Variants in ZNF638 observed in about 807,000 individuals in gnomAD.
The protein encoded by ZNF638 is zinc finger protein 638.
A neutral mutation model predicts 195.6 loss-of-function variants in ZNF638; 46 were observed. That is an observed-to-expected ratio of 0.24 (90% CI 0.19 to 0.30). The LOEUF is 0.30. Among genes scored for constraint, ZNF638 ranks in the 10% least tolerant of loss-of-function variants. The pLI is 1.00. For synonymous variants in ZNF638, 845 were observed against 772.0 expected (o/e 1.09, Z -1.57); for missense variants, 2,440 against 2,325.3 (o/e 1.05, Z -1.01).
chr2:71,375,197 C>T (rs887138275), intron 8 of ZNF638: 3 of 152,084 alleles, frequency 2.0e-5, no homozygotes, highest in South Asian at 2.1e-4. Context: ...TAAATTAAAT[C>T]GTGTGGCCTT....
At chr2:71,432,580 G>A (rs1024754467) in intron 26 of ZNF638, among the ~76,000 whole-genome samples, 3 of 152,170 alleles carry the variant, frequency 2.0e-5, no homozygotes, top group Admixed American at 6.5e-5. Flanking sequence ...TTTGTTATCC[G>A]AAGATTCTCC....
chr2:71,404,154 C>CA (rs2080058813), intron 17 of ZNF638, among the ~76,000 whole-genome samples, 156 bp downstream of exon 17: 1 of 152,178 alleles, frequency 6.6e-6, no homozygotes, highest in Non-Finnish European at 1.5e-5. Flanking sequence ...CCCAGTCACC[C>CA]ATCCCACTGT....
chr2:71,375,516 G>A (rs1482360407), intron 8 of ZNF638: 1 of 151,990 alleles, frequency 6.6e-6, no homozygotes, highest in Non-Finnish European at 1.5e-5. Flanking sequence ...TTTCTTTTCT[G>A]GAAAGAGTGA....
chr2:71,356,356 C>G (rs939880874), intron 3 of ZNF638, among the ~76,000 whole-genome samples: 9 of 152,158 alleles, frequency 5.9e-5, no homozygotes, highest in African/African-American at 2.2e-4. Flanking sequence ...ACACTATGTT[C>G]CTGTATCTCT....
intron 27 of ZNF638, among the ~76,000 whole-genome samples, chr2:71,434,048 G>A (rs920352264): frequency 2.0e-5 from 3 of 152,120 alleles, no homozygotes; most frequent in African/African-American, 7.2e-5. Flanking sequence ...GCTTAACTTA[G>A]TTCATCATGT....
At chr2:71,427,437 CT>C (rs753302164) in intron 24 of ZNF638, 23 bp downstream of exon 24, 1 of 1,490,670 alleles carries the variant, frequency 6.7e-7, no homozygotes, top group Admixed American at 2.4e-5. Flanking sequence ...AAGGGGTAGT[CT>C]TTCTGTTTTA....
intron 1 of ZNF638, among the ~76,000 whole-genome samples, chr2:71,338,095 A>G (rs1268988728): frequency 1.3e-5 from 2 of 152,194 alleles, no homozygotes; most frequent in East Asian, 1.9e-4. Flanking sequence ...GCATGATACT[A>G]TGTGTGAGCA....
At chr2:71,371,460 C>T (rs1055578247) in intron 8 of ZNF638, among the ~76,000 whole-genome samples, 2 of 152,162 alleles carry the variant, frequency 1.3e-5, no homozygotes, top group African/African-American at 4.8e-5. Context: ...TACGTTCCCA[C>T]CAACAATATA....
intron 15 of ZNF638, among the ~76,000 whole-genome samples, chr2:71,401,679 TA>T (rs1230399601): frequency 1.0e-3 from 147 of 140,072 alleles, no homozygotes; most frequent in East Asian, 4.1e-3. Flanking sequence ...AGAGCAAGAC[TA>T]AAAAAAAAAA....
At chr2:71,353,860 T>C (rs1232805786) in intron 2 of ZNF638, among the ~76,000 whole-genome samples, 1 of 152,256 alleles carries the variant, frequency 6.6e-6, no homozygotes, top group East Asian at 1.9e-4. Context: ...GTCTGTTTGA[T>C]GTAAACAGTG....
rs372064861 is a variant in ZNF638, at chr2:71,355,254, C to T, written c.1318-465C>T. On this transcript the variant is annotated intron_variant, in intron 2 of 27. Transcript: ENST00000264447. The stretch of plus-strand genomic sequence containing the variant: ...TACAGGCGTGAGCCACTGCGCCCGG[C>T]GGCATTTTTTGATTGTTGATGTTGT... Among the ~76,000 whole-genome samples the T allele has an allele frequency of 7.2e-5, 11 of 152,142 alleles. No individual in the cohort carries two copies. In the South Asian group the frequency reaches 8.3e-4, roughly 11 times the overall value.
At chr2:71,382,538 T>C (rs753959446) in intron 10 of ZNF638, among the ~76,000 whole-genome samples, 38 of 152,150 alleles carry the variant, frequency 2.5e-4, no homozygotes, top group Non-Finnish European at 5.0e-4. Flanking sequence ...AGAGTGTAAT[T>C]TGATCATGAA....
chr2:71,342,711 T>G (rs1240661668), intron 1 of ZNF638, among the ~76,000 whole-genome samples: 1 of 152,052 alleles, frequency 6.6e-6, no homozygotes, highest in Non-Finnish European at 1.5e-5. Flanking sequence ...GGCAATTTGG[T>G]AAGGGAATTG....
At chr2:71,370,034 T>C in intron 8 of ZNF638, 29 bp downstream of exon 8, 2 of 1,577,910 alleles carry the variant, frequency 1.3e-6, no homozygotes, top group Non-Finnish European at 1.7e-6. Context: ...TTAAATGTTT[T>C]ATCACTGTTG....
Position 71,423,102 on chromosome 2 carries a change from G to C in ZNF638, c.3588G>C (p.Glu1196Asp). The stretch of plus-strand genomic sequence containing the variant: ...TTGAACAATTCACTGAAAATGCCGA[G>C]GAGTGTGCTTTAAATCAGCAGATGT... ...VSIEQFTENA[E>D]ECALNQQMFN... The change falls in exon 22 of 28, where the codon GAG becomes GAC. Residue 1196 changes from glutamate (E) to aspartate (D), a missense_variant. Around this residue, in one of 5 missense-constraint regions of ZNF638, gnomAD observed 1,883 missense variants for 1,739.1 expected, o/e 1.08. Transcript: ENST00000264447. 6.2e-7 allele frequency: 1 copy of C among 1,614,136 alleles called. No homozygotes were observed. Among genetic ancestry groups the C allele is most frequent in the Admixed American group, 1.7e-5 (1 of 60,026 alleles).
intron 8 of ZNF638, among the ~76,000 whole-genome samples, chr2:71,379,332 CTG>C (rs138210161): frequency 0.013 from 1,932 of 152,286 alleles, 38 homozygotes; most frequent in African/African-American, 0.042. Context: ...ATGTTTTAAA[CTG>C]TGCCCTGTTC....
At chr2:71,332,471 G>T (rs1447706076) in intron 1 of ZNF638, among the ~76,000 whole-genome samples, 1 of 152,172 alleles carries the variant, frequency 6.6e-6, no homozygotes, top group Non-Finnish European at 1.5e-5. Context: ...TTTCCGGGCT[G>T]GTGTTCTGTG....
In ZNF638 at chr2:71,333,695, A is replaced by G. The variant is rs185844522; in HGVS notation, c.-203+1820A>G. Among the ~76,000 whole-genome samples the G allele has an allele frequency of 2.4e-3, 371 of 152,292 alleles. 1 individual carries two copies. The highest frequency in any genetic ancestry group is 8.6e-3 in the African/African-American group (359 of 41,564). ...TTGCAGTCGGAAGATCTGGATTCAC[A>G]TCTCCCTTTTCCTCAGTATGTGTGA... On this transcript the variant is annotated intron_variant, in intron 1 of 27. Coordinates refer to ENST00000264447, the MANE Select transcript of ZNF638 (RefSeq NM_014497.5).
intron 25 of ZNF638, chr2:71,428,864 A>T (rs1193473254): frequency 2.6e-6 from 1 of 384,306 alleles, no homozygotes; most frequent in Admixed American, 4.2e-5. Context: ...GATTAGAGGA[A>T]ATGATCCTCG....
Sources: gnomAD v4.1 joint callset for allele counts (sites outside exome capture counted in the v4.1 genomes callset) on GRCh38, gnomAD v4.1.1 for gene constraint, gnomAD v4.1.1 regional missense constraint, MANE v1.5 for transcripts, NCBI Gene and HGNC (gene_info 2026-07-23, HGNC 2026-07-21) for gene names.